INPP4B: variants seen among roughly 807,000 people sequenced by gnomAD.
The protein encoded by INPP4B is inositol polyphosphate 4-phosphatase type II.
Under a neutral mutation model 122.5 loss-of-function variants are expected in INPP4B, and 55 were observed. The observed-to-expected ratio is 0.45, with a 90% CI of 0.36 to 0.56. The LOEUF is 0.56. Ranked by LOEUF, INPP4B falls within the 20% of genes least tolerant of loss-of-function variation. The pLI, the probability that INPP4B is intolerant of heterozygous loss-of-function variation, is 0.00. For missense variants in INPP4B, 1,000 were observed against 1,097.7 expected (o/e 0.91, Z 1.26); for synonymous variants, 403 against 388.7 (o/e 1.04, Z -0.43).
intron 2 of INPP4B, among the ~76,000 whole-genome samples, chr4:142,587,959 TCTAA>T (rs1736597381): frequency 6.6e-6 from 1 of 151,958 alleles, no homozygotes. Context: ...GAATATCATA[TCTAA>T]CTATGTATGA....
At chr4:142,415,225 C>G (rs1476063936) in intron 5 of INPP4B, among the ~76,000 whole-genome samples, 2 of 152,076 alleles carry the variant, frequency 1.3e-5, no homozygotes, top group African/African-American at 2.4e-5. Context: ...GCTTCCCTGA[C>G]CTACCTCTGA....
At position 142,610,188 on chromosome 4, in the gene INPP4B, G is replaced by A. The variant is rs114961929; in HGVS notation, c.-191+115651C>T. 9.8e-3 allele frequency among the ~76,000 whole-genome samples: 1,495 copies of A among 152,182 alleles called. 23 individuals carry two copies. The highest frequency in any genetic ancestry group is 0.032 in the African/African-American group (1,319 of 41,524). On this transcript the variant is annotated intron_variant, in intron 2 of 25. Transcript: ENST00000262992. ...TCTCATGGTAGTAAATAAGTCTCAC[G>A]AGATCTAATGGTTTTATTAATGGGA...
chr4:142,593,485 A>G (rs1031523509), intron 2 of INPP4B, among the ~76,000 whole-genome samples: 1 of 152,074 alleles, frequency 6.6e-6, no homozygotes, highest in Non-Finnish European at 1.5e-5. Context: ...CTCTCTGGCC[A>G]ATATCTTCAA....
At chr4:142,764,888 G>A (rs1368183234) in intron 1 of INPP4B, among the ~76,000 whole-genome samples, 3 of 152,014 alleles carry the variant, frequency 2.0e-5, no homozygotes, top group African/African-American at 7.2e-5. Context: ...CGCTTGGTTA[G>A]AAAGGACAAA....
intron 1 of INPP4B, among the ~76,000 whole-genome samples, chr4:142,777,492 AG>A (rs1195151317): frequency 6.6e-6 from 1 of 152,142 alleles, no homozygotes; most frequent in Admixed American, 6.6e-5. Context: ...CCTAAGCTCC[AG>A]AAAAAAATGC....
chr4:142,275,373 A>G (rs752641379), intron 9 of INPP4B, among the ~76,000 whole-genome samples: 7 of 152,018 alleles, frequency 4.6e-5, no homozygotes, highest in South Asian at 2.1e-4. Context: ...GGGACAAACC[A>G]TCATTAGCAC....
chr4:142,514,913 A>C (rs1825226290), intron 2 of INPP4B, among the ~76,000 whole-genome samples: 1 of 148,778 alleles, frequency 6.7e-6, no homozygotes, highest in South Asian at 2.1e-4. Context: ...CTTCTGCCTC[A>C]GCCTCCTGAG....
At chr4:142,164,261 C>G (rs1484098380) in intron 16 of INPP4B, among the ~76,000 whole-genome samples, 1 of 151,828 alleles carries the variant, frequency 6.6e-6, no homozygotes, top group Non-Finnish European at 1.5e-5. Flanking sequence ...TCATTTAAAA[C>G]TACTCTTTTT....
intron 2 of INPP4B, among the ~76,000 whole-genome samples, chr4:142,678,104 C>T (rs1434410576): frequency 3.2e-4 from 49 of 151,804 alleles, no homozygotes; most frequent in Admixed American, 3.2e-3. Context: ...TTTATCTTTT[C>T]AGTAGAAATA....
At chr4:142,623,284 C>A (rs1047977715) in intron 2 of INPP4B, among the ~76,000 whole-genome samples, 1 of 152,074 alleles carries the variant, frequency 6.6e-6, no homozygotes, top group Middle Eastern at 3.4e-3. Flanking sequence ...GTGGTGAAAA[C>A]AAAGTGCATT....
At chr4:142,083,522 C>G (rs1322678978) in intron 24 of INPP4B, among the ~76,000 whole-genome samples, 1 of 152,136 alleles carries the variant, frequency 6.6e-6, no homozygotes, top group Non-Finnish European at 1.5e-5. Context: ...TAAAATAGAT[C>G]TAATGTGATA....
At chr4:142,742,125 C>G (rs1767988962) in intron 1 of INPP4B, among the ~76,000 whole-genome samples, 1 of 151,888 alleles carries the variant, frequency 6.6e-6, no homozygotes, top group African/African-American at 2.4e-5. Flanking sequence ...TTCACCAAAA[C>G]AGTAGACCCA....
intron 15 of INPP4B, among the ~76,000 whole-genome samples, chr4:142,187,847 C>T (rs374640179): frequency 2.0e-5 from 3 of 152,146 alleles, no homozygotes; most frequent in African/African-American, 2.4e-5. Context: ...CCACTGGCCT[C>T]GGCCTCCCAA....
At chr4:142,349,289 G>T (rs751495082) in intron 7 of INPP4B, among the ~76,000 whole-genome samples, 1 of 152,106 alleles carries the variant, frequency 6.6e-6, no homozygotes, top group East Asian at 1.9e-4. Context: ...AGAGATAAAA[G>T]AAATATTATG....
intron 17 of INPP4B, among the ~76,000 whole-genome samples, chr4:142,156,369 T>C (rs1346995540): frequency 6.6e-6 from 1 of 152,160 alleles, no homozygotes; most frequent in Non-Finnish European, 1.5e-5. Flanking sequence ...ATAGTTTGGT[T>C]AAATGACATG....
intron 7 of INPP4B, among the ~76,000 whole-genome samples, chr4:142,363,613 C>T (rs1240388206): frequency 1.3e-5 from 2 of 151,754 alleles, no homozygotes; most frequent in Non-Finnish European, 2.9e-5. Flanking sequence ...GAAATAGATG[C>T]CCAAAGCCAA....
intron 7 of INPP4B, among the ~76,000 whole-genome samples, chr4:142,330,640 T>A (rs1198865778): frequency 6.6e-6 from 1 of 152,218 alleles, no homozygotes; most frequent in Non-Finnish European, 1.5e-5. Context: ...CCTGTTCCCT[T>A]AAGCCATTCA....
rs146353517 is a variant in INPP4B, at chr4:142,541,041, C to T, written c.-190-78315G>A. On this transcript the variant is annotated intron_variant, in intron 2 of 25. Transcript: ENST00000262992. ...TGCTAGCAGTCCACATCCTATGGAA[C>T]TATTAGCAGAGACTTCCTAAAGACA... Among the ~76,000 whole-genome samples, 74 of 152,158 alleles carry T rather than the reference C, an allele frequency of 4.9e-4. 1 individual carries two copies. The highest frequency in any genetic ancestry group is 1.7e-3 in the African/African-American group (69 of 41,438).
intron 23 of INPP4B, among the ~76,000 whole-genome samples, chr4:142,089,356 T>C (rs1778335078): frequency 6.6e-6 from 1 of 152,026 alleles, no homozygotes; most frequent in East Asian, 1.9e-4. Context: ...GGAGAGCTGA[T>C]ACATAACAAT....
Sources: gnomAD v4.1 joint callset for allele counts (sites outside exome capture counted in the v4.1 genomes callset) on GRCh38, gnomAD v4.1.1 for gene constraint, MANE v1.5 for transcripts, NCBI Gene and HGNC (gene_info 2026-07-23, HGNC 2026-07-21) for gene names.